The following LRRC7 variants were observed in gnomAD, a reference collection of about 807,000 sequenced individuals.
LRRC7 encodes leucine rich repeat containing 7.
In LRRC7, 23 loss-of-function variants were observed where a neutral mutation model predicts 175.7. The ratio of observed to expected loss-of-function variants is 0.13; its 90% CI spans 0.09 to 0.19. LRRC7 has a LOEUF of 0.19. LRRC7 is among the 10% of genes least tolerant of loss of function. The pLI, the probability that LRRC7 is intolerant of heterozygous loss-of-function variation, is 1.00. For synonymous variants in LRRC7, 685 were observed against 680.9 expected (o/e 1.01, Z -0.09); for missense variants, 1,354 against 1,904.7 (o/e 0.71, Z 5.38).
intron 3 of LRRC7, among the ~76,000 whole-genome samples, chr1:69,766,512 C>T (rs1405380671): frequency 6.6e-6 from 1 of 152,064 alleles, no homozygotes; most frequent in East Asian, 1.9e-4. Context: ...GTGGATACAA[C>T]ATTAGTGAGA....
At chr1:69,945,526 A>G (rs1160580678) in intron 8 of LRRC7, among the ~76,000 whole-genome samples, 3 of 152,016 alleles carry the variant, frequency 2.0e-5, no homozygotes, top group Admixed American at 1.3e-4. Flanking sequence ...ATCATTTTTT[A>G]TAATTCTGTG....
At position 70,132,907 on chromosome 1, in the gene LRRC7, A is replaced by G. The variant is rs1666731539; in HGVS notation, c.*11020A>G. ...GGATCTGGTTCATTTGTCTATCTTC[A>G]GGGAAGGATTCATGCTATTCTTAAA... On this transcript the variant is annotated 3_prime_UTR_variant, in exon 27 of 27. Coordinates refer to ENST00000651989, the MANE Select transcript of LRRC7 (RefSeq NM_001370785.2). Among the ~76,000 whole-genome samples, 1 of 152,176 alleles carries G rather than the reference A, an allele frequency of 6.6e-6. No homozygotes were observed. The highest frequency in any genetic ancestry group is 2.1e-4 in the South Asian group (1 of 4,826).
At chr1:69,774,067 C>A (rs1672542288) in intron 3 of LRRC7, among the ~76,000 whole-genome samples, 1 of 152,056 alleles carries the variant, frequency 6.6e-6, no homozygotes. Flanking sequence ...TCACAGGTGA[C>A]CCCTAGGTTT....
In LRRC7 at chr1:70,142,443, G is replaced by A. The variant is rs972935705; in HGVS notation, c.*20556G>A. On this transcript the variant is annotated 3_prime_UTR_variant, in exon 27 of 27. Transcript: ENST00000651989. ...AAGCCTATTTTCTGTTTGAAATGAAGAGAAAGGTAATTGACAGATAAACAG... is the reference window on the plus strand; with the variant it reads ...AAGCCTATTTTCTGTTTGAAATGAAAAGAAAGGTAATTGACAGATAAACAG... 2.6e-5 allele frequency: 4 copies of A among 151,988 alleles called. No individual in the cohort carries two copies. Among genetic ancestry groups the A allele is most frequent in the African/African-American group, 9.7e-5 (4 of 41,424 alleles). The allele number at this position is 151,988 out of a possible 1,614,324, so 9.4% of individuals were successfully genotyped here.
At chr1:70,070,981 C>G (rs998551526) in intron 23 of LRRC7, among the ~76,000 whole-genome samples, 8 of 152,204 alleles carry the variant, frequency 5.3e-5, no homozygotes, top group African/African-American at 1.9e-4. Context: ...TAACACCACT[C>G]TAGCAGAAGT....
rs55900412 is a variant in LRRC7 at position 69,943,949 on chromosome 1, A to AACAC, written c.711+12415_711+12418dup. Among the ~76,000 whole-genome samples, 1,195 of 145,468 alleles carry AACAC rather than the reference A, an allele frequency of 8.2e-3. 13 individuals carry two copies. Among genetic ancestry groups the AACAC allele is most frequent in the East Asian group, 0.023 (113 of 5,006 alleles). On this transcript the variant is annotated intron_variant, in intron 8 of 26. Coordinates refer to ENST00000651989, the MANE Select transcript of LRRC7 (RefSeq NM_001370785.2). ...TCAGTTCTTATTTTTTATCATGGTA[A>AACAC]ACACACACACACACACACACACACA...
intron 1 of LRRC7, among the ~76,000 whole-genome samples, chr1:69,596,186 A>G (rs369699459): frequency 6.6e-6 from 1 of 152,146 alleles, no homozygotes; most frequent in Non-Finnish European, 1.5e-5. Flanking sequence ...AACCAGTTTA[A>G]GAAGATTATC....
intron 13 of LRRC7, chr1:70,014,079 GC>G (rs1203236273): frequency 6.6e-6 from 1 of 151,978 alleles, no homozygotes; most frequent in Non-Finnish European, 1.5e-5. Flanking sequence ...AAGCACCAAA[GC>G]TTTATGCATC....
At chr1:69,803,728 C>A (rs185677492) in intron 4 of LRRC7, among the ~76,000 whole-genome samples, 1 of 151,006 alleles carries the variant, frequency 6.6e-6, no homozygotes, top group Non-Finnish European at 1.5e-5. Flanking sequence ...TTCTTGAGTC[C>A]GTTTTTCATA....
At chr1:69,616,760 A>C (rs1293581768) in intron 1 of LRRC7, among the ~76,000 whole-genome samples, 1 of 152,080 alleles carries the variant, frequency 6.6e-6, no homozygotes, top group East Asian at 1.9e-4. Flanking sequence ...TAGAGAAATG[A>C]AGTGGTATAT....
At position 70,132,040 on chromosome 1, in the gene LRRC7, G is replaced by A. The variant is rs958540936; in HGVS notation, c.*10153G>A. On this transcript the variant is annotated 3_prime_UTR_variant, in exon 27 of 27. Transcript: ENST00000651989. ...TTATTAAGGAAGAAAGAATGAGAAA[G>A]ACAAAAGAAGGGCAATAGAGGACTG... Among the ~76,000 whole-genome samples the A allele has an allele frequency of 2.0e-5, 3 of 152,126 alleles. No homozygotes were observed. Among genetic ancestry groups the A allele is most frequent in the African/African-American group, 7.2e-5 (3 of 41,428 alleles).
chr1:69,954,722 A>G (rs114463509), intron 8 of LRRC7, among the ~76,000 whole-genome samples: 2,046 of 152,206 alleles, frequency 0.013, 44 homozygotes, highest in African/African-American at 0.044. Context: ...TAAGAAAAGC[A>G]TTCTGTTCAC....
chr1:70,109,875 G>GA (rs1291986515), intron 26 of LRRC7, among the ~76,000 whole-genome samples: 4 of 152,052 alleles, frequency 2.6e-5, no homozygotes, highest in Non-Finnish European at 5.9e-5. Context: ...CTAGAGTCTG[G>GA]AAAAAAATAT....
intron 1 of LRRC7, among the ~76,000 whole-genome samples, chr1:69,619,403 G>A (rs547194363): frequency 6.6e-6 from 1 of 152,020 alleles, no homozygotes; most frequent in African/African-American, 2.4e-5. Flanking sequence ...AACACCACCG[G>A]TTTCTACTAA....
chr1:69,611,708 A>G (rs1648762807), intron 1 of LRRC7, among the ~76,000 whole-genome samples: 1 of 152,086 alleles, frequency 6.6e-6, no homozygotes, highest in African/African-American at 2.4e-5. Context: ...GCTCTTAGCA[A>G]CACTAGACAG....
intron 22 of LRRC7, among the ~76,000 whole-genome samples, chr1:70,047,659 T>G (rs1275487348): frequency 6.6e-6 from 1 of 152,060 alleles, no homozygotes; most frequent in Admixed American, 6.6e-5. Context: ...ATATTTTTCA[T>G]TTTTTCATAT....
intron 2 of LRRC7, among the ~76,000 whole-genome samples, chr1:69,729,020 G>A (rs982464386): frequency 2.6e-5 from 4 of 152,154 alleles, no homozygotes; most frequent in Non-Finnish European, 5.9e-5. Context: ...GCAAGGGGAA[G>A]TGCTGAGCGA....
At chr1:69,768,468 G>C (rs745899646) in intron 3 of LRRC7, among the ~76,000 whole-genome samples, 20 of 152,086 alleles carry the variant, frequency 1.3e-4, no homozygotes, top group Non-Finnish European at 2.6e-4. Flanking sequence ...TATTCAGCCT[G>C]GACAAAATTT....
intron 8 of LRRC7, among the ~76,000 whole-genome samples, chr1:69,952,997 C>CA (rs61277479): frequency 0.034 from 1,945 of 56,452 alleles, 32 homozygotes; most frequent in African/African-American, 0.043. Context: ...AGAGACAAGG[C>CA]AAAAAAAAAA....
Sources: gnomAD v4.1 joint callset for allele counts (sites outside exome capture counted in the v4.1 genomes callset) on GRCh38, gnomAD v4.1.1 for gene constraint, MANE v1.5 for transcripts, NCBI Gene and HGNC (gene_info 2026-07-23, HGNC 2026-07-21) for gene names.